The following ROBO2 variants were observed in gnomAD, a reference collection of about 807,000 sequenced individuals.
The protein encoded by ROBO2 is roundabout homolog 2.
Under a neutral mutation model 160.8 loss-of-function variants are expected in ROBO2, and 53 were observed. The ratio of observed to expected loss-of-function variants is 0.33; its 90% CI spans 0.26 to 0.41. The LOEUF (loss-of-function observed/expected upper bound fraction) is 0.41, where lower values mean the gene tolerates loss of function less well. ROBO2 is among the 10% of genes least tolerant of loss of function. The pLI is 1.00. For missense variants in ROBO2, 1,577 were observed against 1,722.4 expected (o/e 0.92, Z 1.49); for synonymous variants, 664 against 611.7 (o/e 1.09, Z -1.26).
intron 2 of ROBO2, among the ~76,000 whole-genome samples, chr3:76,112,703 A>G (rs35522493): frequency 0.3 from 40,524 of 133,494 alleles, 5,821 homozygotes; most frequent in Non-Finnish European, 0.34. Flanking sequence ...CTTAGCCCAG[A>G]AGCAAGAGAT....
Position 76,642,995 on chromosome 3 carries a change from T to C in ROBO2, c.110-455019T>C, listed in dbSNP as rs562236499. Among the ~76,000 whole-genome samples the C allele has an allele frequency of 2.6e-5, 4 of 152,342 alleles. No individual in the cohort carries two copies. The South Asian group carries it at 6.2e-4, about 24-fold the overall frequency. ...ATGGAAAATTACTAATAATGTATTT[T>C]ATTACATGCAAAGAAGGCTTCAGGT... On this transcript the variant is annotated intron_variant, in intron 2 of 26. Coordinates refer to the ROBO2 transcript ENST00000487694.
chr3:76,556,723 T>C (rs1292286757), intron 2 of ROBO2, among the ~76,000 whole-genome samples: 2 of 152,164 alleles, frequency 1.3e-5, no homozygotes, highest in African/African-American at 4.8e-5. Flanking sequence ...TTGGTACTTG[T>C]AGAATATGTG....
At chr3:77,107,296 G>A (rs2072939479) in intron 2 of ROBO2, among the ~76,000 whole-genome samples, 1 of 152,146 alleles carries the variant, frequency 6.6e-6, no homozygotes, top group East Asian at 1.9e-4. Flanking sequence ...CACAGCTCTG[G>A]CCTTTGGAGA....
chr3:76,155,550 G>C (rs2072374071), intron 2 of ROBO2, among the ~76,000 whole-genome samples: 1 of 152,166 alleles, frequency 6.6e-6, no homozygotes, highest in African/African-American at 2.4e-5. Context: ...GGGATTACAA[G>C]AAAAGTCATA....
At chr3:76,098,519 T>C (rs2069546001) in intron 2 of ROBO2, among the ~76,000 whole-genome samples, 1 of 151,428 alleles carries the variant, frequency 6.6e-6, no homozygotes, top group Non-Finnish European at 1.5e-5. Flanking sequence ...TACATAGATC[T>C]ATACTATTAA....
intron 2 of ROBO2, among the ~76,000 whole-genome samples, chr3:77,202,657 C>G (rs1436487853): frequency 6.6e-6 from 1 of 152,152 alleles, no homozygotes; most frequent in Non-Finnish European, 1.5e-5. Context: ...CGACTTCATT[C>G]TTTTCCATCT....
At chr3:76,477,403 T>C (rs2078984796) in intron 2 of ROBO2, among the ~76,000 whole-genome samples, 1 of 152,156 alleles carries the variant, frequency 6.6e-6, no homozygotes, top group African/African-American at 2.4e-5. Context: ...ACTCCATGTG[T>C]AGCTTATACT....
chr3:76,558,736 G>A (rs942830903), intron 2 of ROBO2, among the ~76,000 whole-genome samples: 1 of 151,960 alleles, frequency 6.6e-6, no homozygotes, highest in African/African-American at 2.4e-5. Flanking sequence ...TGACTGTAAG[G>A]CATATTAAAA....
At chr3:76,816,377 G>C (rs1286410971) in intron 2 of ROBO2, among the ~76,000 whole-genome samples, 1 of 151,998 alleles carries the variant, frequency 6.6e-6, no homozygotes, top group South Asian at 2.1e-4. Flanking sequence ...TGCGGTATTC[G>C]ATAGGAAGAG....
chr3:76,205,668 T>G (rs940197389), intron 2 of ROBO2, among the ~76,000 whole-genome samples: 3 of 152,136 alleles, frequency 2.0e-5, no homozygotes, highest in African/African-American at 7.2e-5. Flanking sequence ...ACACAGCCCC[T>G]CCCTCCTCTT....
Position 77,565,097 on chromosome 3 carries a change from T to C in ROBO2, c.1826T>C (p.Met609Thr), listed in dbSNP as rs764591005. ...CAAGGTCTCAGTGACCCAAGTCCCA[T>C]GTCAGATCCTGTGCGCACACAAGGT... The change falls in exon 12 of 26, where the codon ATG becomes ACG. Residue 609 changes from methionine to threonine, a missense_variant. By Grantham distance (81) the Met-to-Thr change is moderately conservative. Around this residue, in one of 2 missense-constraint regions of ROBO2, gnomAD observed 940 missense variants for 1,135.5 expected, o/e 0.83. Transcript: ENST00000461745. 1.1e-5 allele frequency: 17 copies of C among 1,613,516 alleles called. No homozygotes were observed. The highest frequency in any genetic ancestry group is 5.0e-5 in the Admixed American group (3 of 59,924).
intron 2 of ROBO2, among the ~76,000 whole-genome samples, chr3:76,135,896 C>G (rs1394690747): frequency 6.6e-6 from 1 of 152,008 alleles, no homozygotes; most frequent in Non-Finnish European, 1.5e-5. Context: ...AATATTACTT[C>G]ACGAGTATTA....
intron 1 of ROBO2, among the ~76,000 whole-genome samples, chr3:77,046,999 G>A (rs2064740226): frequency 6.6e-6 from 1 of 152,168 alleles, no homozygotes; most frequent in Non-Finnish European, 1.5e-5. Flanking sequence ...TGAGAACTCA[G>A]AGAAGGAATA....
chr3:77,055,154 T>C (rs1005691307), intron 1 of ROBO2, among the ~76,000 whole-genome samples: 1 of 152,150 alleles, frequency 6.6e-6, no homozygotes, highest in African/African-American at 2.4e-5. Flanking sequence ...TTACAGTTAA[T>C]TTTTTAAAGA....
chr3:76,517,236 A>G (rs1293951950), intron 2 of ROBO2, among the ~76,000 whole-genome samples: 2 of 152,184 alleles, frequency 1.3e-5, no homozygotes, highest in Admixed American at 6.5e-5. Flanking sequence ...TAATGAGTGC[A>G]TCTGCCCATT....
At chr3:76,224,117 A>G (rs1381434386) in intron 2 of ROBO2, among the ~76,000 whole-genome samples, 2 of 152,140 alleles carry the variant, frequency 1.3e-5, no homozygotes, top group Non-Finnish European at 2.9e-5. Context: ...ATATCTACAT[A>G]TATCTTATTG....
intron 2 of ROBO2, among the ~76,000 whole-genome samples, chr3:76,010,362 A>G (rs995225386): frequency 6.6e-6 from 1 of 152,364 alleles, no homozygotes; most frequent in African/African-American, 2.4e-5. Flanking sequence ...CACAGGCTCA[A>G]CATGAACAAT....
chr3:76,368,672 G>A (rs780823520), intron 2 of ROBO2, among the ~76,000 whole-genome samples: 9 of 151,858 alleles, frequency 5.9e-5, no homozygotes, highest in Non-Finnish European at 8.8e-5. Context: ...CTTAAGACCT[G>A]GACCCAGAAA....
rs572717616 is a variant in ROBO2 at position 77,449,893 on chromosome 3, C to T, written c.389-27521C>T. On this transcript the variant is annotated intron_variant, in intron 2 of 25. Transcript: ENST00000461745. ...TAAAAACAAGCCACAGACCTTCTTGCGATGCACAATGGGCTTTTTATTTTT... is the reference window on the plus strand; with the variant it reads ...TAAAAACAAGCCACAGACCTTCTTGTGATGCACAATGGGCTTTTTATTTTT... Among the ~76,000 whole-genome samples the T allele has an allele frequency of 2.3e-4, 35 of 152,108 alleles. No individual in the cohort carries two copies. In the South Asian group the frequency reaches 2.9e-3, roughly 13 times the overall value.
Sources: allele counts gnomAD v4.1 joint callset (sites outside exome capture counted in the v4.1 genomes callset), GRCh38; gene constraint gnomAD v4.1.1; regional missense constraint gnomAD v4.1.1; transcripts MANE v1.5; gene names NCBI Gene and HGNC (gene_info 2026-07-23, HGNC 2026-07-21).